The following EIF3E variants were observed in gnomAD, a reference collection of about 807,000 sequenced individuals.
EIF3E encodes eIF-3 p48.
A neutral mutation model predicts 59.3 loss-of-function variants in EIF3E; 25 were observed. That is an observed-to-expected ratio of 0.42 (90% CI 0.31 to 0.59). EIF3E has a LOEUF of 0.59. EIF3E is among the 20% of genes least tolerant of loss of function. The pLI, the probability that EIF3E is intolerant of heterozygous loss-of-function variation, is 0.15. For synonymous variants in EIF3E, 176 were observed against 170.2 expected (o/e 1.03, Z -0.26); for missense variants, 317 against 534.3 (o/e 0.59, Z 4.01).
chr8:108,206,213 A>T (rs937448702), intron 10 of EIF3E, among the ~76,000 whole-genome samples: 5 of 152,086 alleles, frequency 3.3e-5, no homozygotes, highest in African/African-American at 1.2e-4. Context: ...ACAGAGTTTA[A>T]GTCAAGGGGG....
Position 108,202,934 on chromosome 8 carries a change from T to C in EIF3E, c.1299+49A>G, listed in dbSNP as rs552884998. 6 of 1,557,538 alleles carry C rather than the reference T, an allele frequency of 3.9e-6. No individual in the cohort carries two copies. In the African/African-American group the frequency reaches 5.5e-5, roughly 14 times the overall value. The stretch of plus-strand genomic sequence containing the variant: ...TACACTTTGAAACTTCATGTAACAA[T>C]TACATGGTTGCTAAACCCCAGACAG... On this transcript the variant is annotated intron_variant, in intron 12 of 12. Transcript: ENST00000220849.
intron 2 of EIF3E, 134 bp downstream of exon 2, chr8:108,241,665 C>A (rs536904070): frequency 1.1e-5 from 5 of 473,506 alleles, no homozygotes; most frequent in Non-Finnish European, 1.1e-5. Context: ...CTTTATATAA[C>A]CTCTCACCCA....
rs1240269500 is a variant in EIF3E, at chr8:108,217,399, T to C, written c.784A>G (p.Ile262Val). Reference sequence around the variant, plus strand: ...CGTTTTCGAACATCCTTGTTTGTTATGACTGCTGTAGTCAAATAGCGAAGA... The same window carrying C: ...CGTTTTCGAACATCCTTGTTTGTTACGACTGCTGTAGTCAAATAGCGAAGA... ...HILRYLTTAV[I>V]TNKDVRKRRQ... The change falls in exon 8 of 13, where the codon ATA becomes GTA. Residue 262 changes from isoleucine to valine, a missense_variant. By Grantham distance (29) the Ile-to-Val change is conservative (BLOSUM62 3). Around this residue, in one of 4 missense-constraint regions of EIF3E, gnomAD observed 242 missense variants for 398.0 expected, o/e 0.61. Coordinates refer to ENST00000220849, the MANE Select transcript of EIF3E (RefSeq NM_001568.3). 5 of 1,603,920 alleles carry C rather than the reference T, an allele frequency of 3.1e-6. No individual in the cohort carries two copies. Among genetic ancestry groups the C allele is most frequent in the Admixed American group, 1.7e-5 (1 of 59,466 alleles).
intron 7 of EIF3E, among the ~76,000 whole-genome samples, chr8:108,220,857 G>C (rs1021958648): frequency 6.6e-6 from 1 of 152,156 alleles, no homozygotes; most frequent in Non-Finnish European, 1.5e-5. Flanking sequence ...TTACTTGGCT[G>C]ATAAAAGTAC....
At chr8:108,218,006 T>C (rs369542661) in intron 7 of EIF3E, among the ~76,000 whole-genome samples, 3 of 152,326 alleles carry the variant, frequency 2.0e-5, no homozygotes, top group African/African-American at 7.2e-5. Flanking sequence ...AACAGGGTCT[T>C]GGCTAATATT....
chr8:108,218,532 C>A (rs150034889), intron 7 of EIF3E, among the ~76,000 whole-genome samples: 2 of 152,164 alleles, frequency 1.3e-5, no homozygotes, highest in African/African-American at 4.8e-5. Flanking sequence ...GCCCTCTAAA[C>A]GAGGTGAAGT....
intron 5 of EIF3E, chr8:108,231,825 A>G (rs1011287190): frequency 3.9e-5 from 6 of 151,982 alleles, no homozygotes; most frequent in Admixed American, 3.9e-4. Context: ...TTCTCAATGT[A>G]TTCTAAAATC....
chr8:108,224,161 G>C (rs1224970511), intron 7 of EIF3E, among the ~76,000 whole-genome samples: 3 of 151,404 alleles, frequency 2.0e-5, no homozygotes, highest in African/African-American at 7.4e-5. Flanking sequence ...GGCAGAGCTT[G>C]AAGTGAGCCG....
chr8:108,245,629 C>T (rs1586213813), intron 1 of EIF3E, among the ~76,000 whole-genome samples: 3 of 152,288 alleles, frequency 2.0e-5, no homozygotes, highest in South Asian at 2.1e-4. Context: ...GCTCTGACTG[C>T]ACAGAGGTAT....
intron 9 of EIF3E, 71 bp from the exon 10 acceptor site, chr8:108,214,787 T>C: frequency 7.7e-7 from 1 of 1,298,136 alleles, no homozygotes. Context: ...TCAAATACTT[T>C]ATCTGCTTTA....
chr8:108,245,562 T>C (rs565332398), intron 1 of EIF3E, among the ~76,000 whole-genome samples: 3 of 151,968 alleles, frequency 2.0e-5, no homozygotes, highest in Admixed American at 6.6e-5. Flanking sequence ...CCCGATGAGA[T>C]TGGTGGTAGT....
At chr8:108,248,546 C>G (rs1815994052) in intron 1 of EIF3E, 67 bp downstream of exon 1, 4 of 1,529,002 alleles carry the variant, frequency 2.6e-6, no homozygotes, top group African/African-American at 1.4e-5. Context: ...CTACAGACAC[C>G]ACCTTTCGGC....
At chr8:108,228,942 G>A in intron 6 of EIF3E, 128 bp downstream of exon 6, 1 of 1,019,836 alleles carries the variant, frequency 9.8e-7, no homozygotes, top group Non-Finnish European at 1.3e-6. Context: ...TATGATTTTT[G>A]TAAGGTCAAC....
At chr8:108,206,618 T>A (rs1256297630) in intron 10 of EIF3E, among the ~76,000 whole-genome samples, 1 of 142,440 alleles carries the variant, frequency 7.0e-6, no homozygotes, top group Non-Finnish European at 1.5e-5. Flanking sequence ...ACACACACAC[T>A]GGCATGGTCG....
intron 7 of EIF3E, among the ~76,000 whole-genome samples, chr8:108,220,650 C>G (rs1815393502): frequency 6.6e-6 from 1 of 152,172 alleles, no homozygotes; most frequent in Admixed American, 6.5e-5. Flanking sequence ...CTTCCAGAGC[C>G]ATTCAGTGTT....
intron 7 of EIF3E, among the ~76,000 whole-genome samples, chr8:108,223,834 T>C (rs1815468796): frequency 6.6e-6 from 1 of 151,450 alleles, no homozygotes; most frequent in Non-Finnish European, 1.5e-5. Flanking sequence ...GTAATATATG[T>C]GATGTAAGAG....
chr8:108,207,445 A>G (rs1405140906), intron 10 of EIF3E, among the ~76,000 whole-genome samples: 2 of 152,198 alleles, frequency 1.3e-5, no homozygotes, highest in African/African-American at 4.8e-5. Context: ...ACCAATTTTA[A>G]AAAGACAAAA....
chr8:108,242,270 A>G (rs1007565553), intron 1 of EIF3E: 1 of 1,291,842 alleles, frequency 7.7e-7, no homozygotes, highest in Non-Finnish European at 1.0e-6. Context: ...TAAAGCACAT[A>G]TAGCTGTCAC....
intron 7 of EIF3E, among the ~76,000 whole-genome samples, chr8:108,222,589 T>G (rs1471101593): frequency 6.6e-6 from 1 of 152,196 alleles, no homozygotes; most frequent in Non-Finnish European, 1.5e-5. Context: ...ATGACCAATG[T>G]GCTCTTTTGT....
Sources: gnomAD v4.1 joint callset for allele counts (sites outside exome capture counted in the v4.1 genomes callset) on GRCh38, gnomAD v4.1.1 for gene constraint, gnomAD v4.1.1 regional missense constraint, MANE v1.5 for transcripts, NCBI Gene and HGNC (gene_info 2026-07-23, HGNC 2026-07-21) for gene names.